DISC1: variants seen among roughly 807,000 people sequenced by gnomAD.
DISC1 encodes the protein DISC1 scaffold protein.
Under a neutral mutation model 84.5 loss-of-function variants are expected in DISC1, and 57 were observed. The ratio of observed to expected loss-of-function variants is 0.67; its 90% CI spans 0.55 to 0.84. The LOEUF is 0.84. DISC1 is among the 40% of genes least tolerant of loss of function. DISC1 has a pLI of 0.00. For missense variants in DISC1, 1,000 were observed against 1,057.8 expected (o/e 0.95, Z 0.76); for synonymous variants, 411 against 415.2 (o/e 0.99, Z 0.12).
At chr1:231,877,624 C>A (rs1430355289) in intron 9 of DISC1, among the ~76,000 whole-genome samples, 1 of 152,148 alleles carries the variant, frequency 6.6e-6, no homozygotes, top group African/African-American at 2.4e-5. Flanking sequence ...GTTCCTCTTC[C>A]CATTGGTGTT....
At chr1:231,849,351 C>T (rs1206133108) in intron 9 of DISC1, among the ~76,000 whole-genome samples, 2 of 152,096 alleles carry the variant, frequency 1.3e-5, no homozygotes, top group Non-Finnish European at 2.9e-5. Context: ...AACTCCCTAC[C>T]TCAGGTGATC....
chr1:231,818,612 C>T (rs2081263895), intron 9 of DISC1, 95 bp downstream of exon 9: 4 of 1,556,092 alleles, frequency 2.6e-6, no homozygotes, highest in East Asian at 2.3e-5. Context: ...GTGAACGTCA[C>T]TGTGAAGAGC....
chr1:231,928,636 T>G (rs982796040), intron 9 of DISC1, among the ~76,000 whole-genome samples: 11 of 152,238 alleles, frequency 7.2e-5, no homozygotes, highest in African/African-American at 2.7e-4. Flanking sequence ...CTAGTCCTTT[T>G]TATTTTGATG....
chr1:232,005,931 A>AC (rs1553419782), intron 10 of DISC1, among the ~76,000 whole-genome samples: 2 of 152,124 alleles, frequency 1.3e-5, no homozygotes, highest in African/African-American at 2.4e-5. Flanking sequence ...AAAATTCCTG[A>AC]TTTTGGTTTT....
intron 1 of DISC1, among the ~76,000 whole-genome samples, chr1:231,634,921 C>CAAA (rs5781662): frequency 6.7e-6 from 1 of 148,186 alleles, no homozygotes; most frequent in African/African-American, 2.5e-5. Context: ...GACCCTGTCT[C>CAAA]AAAAAAAAAA....
intron 10 of DISC1, among the ~76,000 whole-genome samples, chr1:231,982,770 G>T (rs1490526921): frequency 6.6e-6 from 1 of 152,154 alleles, no homozygotes; most frequent in African/African-American, 2.4e-5. Context: ...GATAAGAACA[G>T]CCTTGGAGCG....
chr1:231,881,946 A>C (rs1168996363), intron 9 of DISC1, among the ~76,000 whole-genome samples: 1 of 152,136 alleles, frequency 6.6e-6, no homozygotes, highest in Admixed American at 6.5e-5. Context: ...TGAGCATCTG[A>C]GACGCGGGAG....
At chr1:231,719,925 A>G (rs199636443) in intron 3 of DISC1, among the ~76,000 whole-genome samples, 1 of 152,220 alleles carries the variant, frequency 6.6e-6, no homozygotes, top group Non-Finnish European at 1.5e-5. Flanking sequence ...GACCTTTAGT[A>G]GCTGATGACA....
chr1:231,722,023 G>A (rs991749260), intron 3 of DISC1, among the ~76,000 whole-genome samples: 1 of 151,814 alleles, frequency 6.6e-6, no homozygotes, highest in African/African-American at 2.4e-5. Context: ...TGTGGTGGCG[G>A]GCACCTGTAA....
chr1:231,669,619 A>G (rs907774786), intron 1 of DISC1, among the ~76,000 whole-genome samples: 3 of 152,226 alleles, frequency 2.0e-5, no homozygotes, highest in Non-Finnish European at 4.4e-5. Flanking sequence ...AATCATATGA[A>G]AAAAGCTCCA....
chr1:231,652,230 A>G (rs1037326813), intron 1 of DISC1, among the ~76,000 whole-genome samples: 1 of 152,222 alleles, frequency 6.6e-6, no homozygotes, highest in African/African-American at 2.4e-5. Context: ...AACAGAATGC[A>G]TCATGTCACT....
At chr1:231,880,585 A>T (rs1197639619) in intron 9 of DISC1, among the ~76,000 whole-genome samples, 1 of 152,194 alleles carries the variant, frequency 6.6e-6, no homozygotes, top group African/African-American at 2.4e-5. Context: ...ACAGGTTCGT[A>T]TGCCCACTGC....
intron 3 of DISC1, among the ~76,000 whole-genome samples, chr1:231,726,236 C>T (rs1018275362): frequency 2.0e-5 from 3 of 152,184 alleles, no homozygotes; most frequent in African/African-American, 7.2e-5. Flanking sequence ...ATATCAGCAT[C>T]GTTCCTGATA....
chr1:231,713,323 C>G (rs1466495798), intron 3 of DISC1, among the ~76,000 whole-genome samples: 1 of 152,104 alleles, frequency 6.6e-6, no homozygotes, highest in Non-Finnish European at 1.5e-5. Context: ...TGAGAAAGCC[C>G]AGCCATCAAA....
chr1:231,823,325 A>G (rs2081633919), intron 9 of DISC1, among the ~76,000 whole-genome samples: 1 of 152,230 alleles, frequency 6.6e-6, no homozygotes, highest in Non-Finnish European at 1.5e-5. Flanking sequence ...GGGACAATAC[A>G]TACAACAAAG....
chr1:231,807,434 AT>A (rs1041168031), intron 8 of DISC1, among the ~76,000 whole-genome samples: 11 of 151,980 alleles, frequency 7.2e-5, no homozygotes, highest in African/African-American at 2.7e-4. Context: ...TCACCCTCCA[AT>A]TTTTTTCTTC....
intron 8 of DISC1, among the ~76,000 whole-genome samples, chr1:231,804,627 T>C (rs1221279825): frequency 6.6e-6 from 1 of 152,158 alleles, no homozygotes; most frequent in African/African-American, 2.4e-5. Context: ...ATGTCTCTTC[T>C]TTTTTGATAG....
At chr1:231,940,679 G>C (rs1242658638) in intron 9 of DISC1, among the ~76,000 whole-genome samples, 1 of 152,204 alleles carries the variant, frequency 6.6e-6, no homozygotes, top group Admixed American at 6.5e-5. Context: ...GGGTGGGGGA[G>C]AAAGGAAAGA....
intron 10 of DISC1, among the ~76,000 whole-genome samples, chr1:232,005,162 T>C (rs1456370611): frequency 2.0e-5 from 3 of 148,994 alleles, no homozygotes; most frequent in Non-Finnish European, 4.5e-5. Context: ...AGACATAAAA[T>C]ACATACATCA....
Sources: allele counts gnomAD v4.1 joint callset (sites outside exome capture counted in the v4.1 genomes callset), GRCh38; gene constraint gnomAD v4.1.1; transcripts MANE v1.5; gene names NCBI Gene and HGNC (gene_info 2026-07-23, HGNC 2026-07-21).